The following MYO5B variants were observed in gnomAD, a reference collection of about 807,000 sequenced individuals.
MYO5B encodes the protein unconventional myosin-Vb.
In MYO5B, 143 loss-of-function variants were observed where a neutral mutation model predicts 229.3. The ratio of observed to expected loss-of-function variants is 0.62; its 90% CI spans 0.54 to 0.72. The LOEUF (loss-of-function observed/expected upper bound fraction) is 0.72. Ranked by LOEUF, MYO5B falls within the 30% of genes least tolerant of loss-of-function variation. MYO5B has a pLI of 0.00. For synonymous variants in MYO5B, 918 were observed against 885.2 expected, an observed-to-expected ratio of 1.04 and a Z score of -0.66; for missense variants, 2,321 against 2,331.0, an observed-to-expected ratio of 1.00 and a Z score of 0.09.
At chr18:50,005,703 C>T (rs1274863621) in intron 4 of MYO5B, among the ~76,000 whole-genome samples, 1 of 152,184 alleles carries the variant, frequency 6.6e-6, no homozygotes, top group Non-Finnish European at 1.5e-5. Flanking sequence ...AGGCATGAGC[C>T]ACTGCCTGGC....
intron 4 of MYO5B, among the ~76,000 whole-genome samples, chr18:50,033,762 AC>A (rs36124475): frequency 6.6e-6 from 1 of 151,766 alleles, no homozygotes; most frequent in Admixed American, 6.6e-5. Flanking sequence ...GGATTTTAAC[AC>A]CCCCTTTTTC....
intron 17 of MYO5B, among the ~76,000 whole-genome samples, chr18:49,912,856 C>G (rs1199565554): frequency 6.6e-6 from 1 of 152,206 alleles, no homozygotes; most frequent in African/African-American, 2.4e-5. Flanking sequence ...GAAGCAGGAG[C>G]CTTACCTAGA....
intron 1 of MYO5B, among the ~76,000 whole-genome samples, chr18:50,174,337 A>G (rs1018242198): frequency 1.6e-4 from 25 of 151,994 alleles, no homozygotes; most frequent in African/African-American, 6.0e-4. Context: ...GGGATGGTGC[A>G]CTCTCACTCC....
intron 1 of MYO5B, among the ~76,000 whole-genome samples, chr18:50,185,595 A>T (rs2033137142): frequency 6.6e-6 from 1 of 152,232 alleles, no homozygotes; most frequent in Non-Finnish European, 1.5e-5. Context: ...TAATTGCCCG[A>T]TTTAATCATT....
chr18:50,006,682 G>A (rs978366032), intron 4 of MYO5B, among the ~76,000 whole-genome samples: 4 of 152,114 alleles, frequency 2.6e-5, no homozygotes, highest in African/African-American at 9.7e-5. Context: ...AACCACTGCA[G>A]TGCTTTAGGC....
At chr18:50,019,996 G>A (rs1305686092) in intron 4 of MYO5B, among the ~76,000 whole-genome samples, 1 of 152,110 alleles carries the variant, frequency 6.6e-6, no homozygotes, top group Non-Finnish European at 1.5e-5. Flanking sequence ...ATTACACACT[G>A]ATGGCTGTGT....
At chr18:50,030,377 G>GGACA (rs1012281304) in intron 4 of MYO5B, among the ~76,000 whole-genome samples, 6 of 152,246 alleles carry the variant, frequency 3.9e-5, no homozygotes, top group African/African-American at 1.4e-4. Flanking sequence ...CGGCAACAGA[G>GGACA]GACAGCCTGT....
rs2032897744 is a variant in MYO5B, at chr18:50,169,550, C to A, written c.27+25217G>T. The stretch of plus-strand genomic sequence containing the variant: ...CAAGTGGAGAGCCTCTCTACAGTGA[C>A]TGGCTGTAATCTACACAAACTGTCC... On this transcript the variant is annotated intron_variant, in intron 1 of 39. Coordinates refer to ENST00000285039, the MANE Select transcript of MYO5B (RefSeq NM_001080467.3). Among the ~76,000 whole-genome samples, 2 of 126,212 alleles carry A rather than the reference C, an allele frequency of 1.6e-5. 1 individual carries two copies. Among genetic ancestry groups the A allele is most frequent in the South Asian group, 5.6e-4 (2 of 3,582 alleles). The allele number at this position is 126,212 out of a possible 152,430, so 82.8% of individuals were successfully genotyped here.
intron 2 of MYO5B, among the ~76,000 whole-genome samples, chr18:50,050,744 T>A (rs1057393162): frequency 6.6e-6 from 1 of 152,156 alleles, no homozygotes; most frequent in Non-Finnish European, 1.5e-5. Context: ...GGTTCATGGG[T>A]TGTAACACTG....
chr18:49,847,095 C>A (rs752404241), intron 33 of MYO5B, 51 bp downstream of exon 33: 1 of 1,605,582 alleles, frequency 6.2e-7, no homozygotes, highest in South Asian at 1.1e-5. Flanking sequence ...GAGATGGGAG[C>A]GGGGGCTGAA....
rs995560236 is a variant in MYO5B at position 50,170,344 on chromosome 18, T to A, written c.27+24423A>T. On this transcript the variant is annotated intron_variant, in intron 1 of 39. Transcript: ENST00000285039. ...TCGATAATACATTTTGACTTTTGAC[T>A]AGACCACCACAAGAACACCGCCTCT... 3.1e-5 allele frequency among the ~76,000 whole-genome samples: 4 copies of A among 127,410 alleles called. 1 individual carries two copies. The highest frequency in any genetic ancestry group is 6.7e-5 in the Non-Finnish European group (4 of 59,786). 83.6% of individuals were successfully genotyped at this position (127,410 alleles called of 152,430 possible).
At chr18:49,931,676 T>C (rs1447635733) in intron 16 of MYO5B, among the ~76,000 whole-genome samples, 1 of 152,142 alleles carries the variant, frequency 6.6e-6, no homozygotes, top group Non-Finnish European at 1.5e-5. Flanking sequence ...GGGTCTTCAT[T>C]ACCAGGGGCG....
chr18:49,849,339 G>T (rs1001913603), intron 32 of MYO5B, among the ~76,000 whole-genome samples: 6 of 152,184 alleles, frequency 3.9e-5, no homozygotes, highest in Admixed American at 3.9e-4. Flanking sequence ...CTTGCTCAGA[G>T]TAAGCACCCA....
chr18:49,990,619 G>GC (rs1307603399), intron 6 of MYO5B, 99 bp from the exon 7 acceptor site: 5 of 945,548 alleles, frequency 5.3e-6, no homozygotes, highest in South Asian at 1.3e-5. Context: ...TGGAGGCTGA[G>GC]CCCCCCACTC....
chr18:49,833,034 G>T (rs1369561625), intron 39 of MYO5B, among the ~76,000 whole-genome samples: 1 of 152,082 alleles, frequency 6.6e-6, no homozygotes, highest in Non-Finnish European at 1.5e-5. Context: ...AGCACTTAAG[G>T]GCCCTTGTAT....
chr18:49,923,566 T>C (rs1039918485), intron 17 of MYO5B, among the ~76,000 whole-genome samples: 4 of 152,180 alleles, frequency 2.6e-5, no homozygotes, highest in African/African-American at 9.7e-5. Context: ...GTCACTCTGA[T>C]TTCACACAGC....
At chr18:50,009,636 G>A (rs2026141142) in intron 4 of MYO5B, among the ~76,000 whole-genome samples, 1 of 152,198 alleles carries the variant, frequency 6.6e-6, no homozygotes, top group South Asian at 2.1e-4. Context: ...AGTCAGGTGA[G>A]AAGGTATATG....
At chr18:49,853,426 G>A in intron 31 of MYO5B, 23 bp downstream of exon 31, 1 of 1,613,368 alleles carries the variant, frequency 6.2e-7, no homozygotes, top group Admixed American at 1.7e-5. Context: ...CAAAGCTGGG[G>A]TCCACTAGAC....
At chr18:50,073,135 G>A (rs142891411) in intron 1 of MYO5B, among the ~76,000 whole-genome samples, 5 of 152,242 alleles carry the variant, frequency 3.3e-5, no homozygotes, top group East Asian at 3.9e-4. Context: ...TACTTATAAC[G>A]ATCAAGTATT....
Sources: gnomAD v4.1 joint callset for allele counts (sites outside exome capture counted in the v4.1 genomes callset) on GRCh38, gnomAD v4.1.1 for gene constraint, MANE v1.5 for transcripts, NCBI Gene and HGNC (gene_info 2026-07-23, HGNC 2026-07-21) for gene names.